Variants in ABAT observed in about 807,000 individuals in gnomAD.
ABAT encodes the protein 4-aminobutyrate aminotransferase, mitochondrial.
Under a neutral mutation model 64.6 loss-of-function variants are expected in ABAT, and 45 were observed. The observed-to-expected ratio is 0.70, with a 90% confidence interval of 0.55 to 0.89. The LOEUF (loss-of-function observed/expected upper bound fraction) is 0.89. Among genes scored for constraint, ABAT ranks in the 40% least tolerant of loss-of-function variants. The pLI is 0.00. For missense variants in ABAT, 633 were observed against 658.4 expected, an observed-to-expected ratio of 0.96 and a Z score of 0.42; for synonymous variants, 297 against 250.5, an observed-to-expected ratio of 1.19 and a Z score of -1.75.
At chr16:8,728,481 A>G (rs2058622554) in intron 1 of ABAT, among the ~76,000 whole-genome samples, 1 of 152,214 alleles carries the variant, frequency 6.6e-6, no homozygotes, top group African/African-American at 2.4e-5. Flanking sequence ...AGGGAAAGAC[A>G]TGAACTGCAC....
chr16:8,732,612 T>C (rs1254053934), intron 1 of ABAT, among the ~76,000 whole-genome samples: 2 of 151,584 alleles, frequency 1.3e-5, no homozygotes, highest in Non-Finnish European at 2.9e-5. Flanking sequence ...AAGTCTCCCA[T>C]GTCTACTTCT....
chr16:8,723,828 T>TATATATATATATATATATA (rs1491219171), intron 1 of ABAT, among the ~76,000 whole-genome samples: 14 of 19,314 alleles, frequency 7.2e-4, no homozygotes, highest in African/African-American at 1.5e-3. Flanking sequence ...TATATATATA[T>TATATATATATATATATATA]TTTTTTTTTT....
At chr16:8,766,055 G>A (rs949805898) in intron 8 of ABAT, 153 bp from the exon 9 acceptor site, 13 of 709,226 alleles carry the variant, frequency 1.8e-5, no homozygotes, top group South Asian at 9.3e-5. Flanking sequence ...GTAGCCTCAC[G>A]TTTCAGTACA....
At chr16:8,732,015 G>A (rs971482852) in intron 1 of ABAT, among the ~76,000 whole-genome samples, 5 of 151,010 alleles carry the variant, frequency 3.3e-5, no homozygotes, top group African/African-American at 9.8e-5. Flanking sequence ...AACCACGCCC[G>A]GGTAATTTTT....
intron 1 of ABAT, among the ~76,000 whole-genome samples, chr16:8,695,826 C>T (rs770701803): frequency 2.0e-5 from 3 of 152,226 alleles, no homozygotes; most frequent in Non-Finnish European, 4.4e-5. Flanking sequence ...GACTCCAGTA[C>T]ACCAGCTCAA....
chr16:8,719,592 C>A (rs1443489715), intron 1 of ABAT, among the ~76,000 whole-genome samples: 2 of 152,144 alleles, frequency 1.3e-5, no homozygotes, highest in Non-Finnish European at 2.9e-5. Flanking sequence ...GCTTCTTTCT[C>A]ATGAAATCTG....
At chr16:8,677,859 C>T (rs1223717223) in intron 1 of ABAT, among the ~76,000 whole-genome samples, 1 of 152,034 alleles carries the variant, frequency 6.6e-6, no homozygotes, top group South Asian at 2.1e-4. Flanking sequence ...TTGAGACCAG[C>T]GTGGGCAACA....
intron 4 of ABAT, among the ~76,000 whole-genome samples, chr16:8,749,331 A>C (rs1596453445): frequency 2.5e-5 from 3 of 119,054 alleles, no homozygotes; most frequent in African/African-American, 9.5e-5. Context: ...CTCGTGATCC[A>C]CCTGCCTCGG....
At chr16:8,745,895 A>G (rs1462351983) in intron 2 of ABAT, 106 bp from the exon 3 acceptor site, 2 of 1,082,522 alleles carry the variant, frequency 1.8e-6, no homozygotes, top group South Asian at 1.3e-5. Flanking sequence ...GGATGAGGCT[A>G]AGGTCCTGGC....
At chr16:8,694,192 GAT>G (rs2057648843) in intron 1 of ABAT, among the ~76,000 whole-genome samples, 1 of 124,032 alleles carries the variant, frequency 8.1e-6, no homozygotes, top group Non-Finnish European at 1.7e-5. Context: ...ACAATGCCCA[GAT>G]TTTTTTTTTT....
chr16:8,688,366 C>T (rs897204581), intron 1 of ABAT, among the ~76,000 whole-genome samples: 1 of 152,178 alleles, frequency 6.6e-6, no homozygotes, highest in Non-Finnish European at 1.5e-5. Flanking sequence ...CTGCCTGGCT[C>T]CAAAACCTAA....
intron 1 of ABAT, chr16:8,683,185 A>G (rs1292056330): frequency 6.6e-6 from 1 of 152,266 alleles, no homozygotes; most frequent in Non-Finnish European, 1.5e-5. Flanking sequence ...GATGACCATG[A>G]AAGCAGAGTG....
intron 1 of ABAT, among the ~76,000 whole-genome samples, chr16:8,697,758 C>T (rs1254560869): frequency 6.6e-6 from 1 of 152,050 alleles, no homozygotes; most frequent in Non-Finnish European, 1.5e-5. Flanking sequence ...GCCTCAGCCT[C>T]CTGAGTAGCT....
At chr16:8,684,279 A>G (rs1042150757) in intron 1 of ABAT, among the ~76,000 whole-genome samples, 1 of 152,148 alleles carries the variant, frequency 6.6e-6, no homozygotes, top group African/African-American at 2.4e-5. Flanking sequence ...CGCAGGGGAA[A>G]AAGGAAGGAT....
chr16:8,755,157 T>A (rs1317780703), intron 5 of ABAT, among the ~76,000 whole-genome samples: 2 of 152,110 alleles, frequency 1.3e-5, no homozygotes, highest in Non-Finnish European at 2.9e-5. Context: ...TTTAACTCTC[T>A]GAGGCATGGT....
In ABAT at chr16:8,759,958, A is replaced by G. The variant is rs554836893; in HGVS notation, c.366+2152A>G. ...TGGGTGATTCCTCCTGGTGTGTGTAATCGCAGACTGTGTATCCTCATGGCT... is the reference window on the plus strand; with the variant it reads ...TGGGTGATTCCTCCTGGTGTGTGTAGTCGCAGACTGTGTATCCTCATGGCT... On this transcript the variant is annotated intron_variant, in intron 6 of 15. Coordinates refer to ENST00000268251, the MANE Select transcript of ABAT (RefSeq NM_020686.6). Among the ~76,000 whole-genome samples the G allele has an allele frequency of 4.1e-4, 62 of 152,248 alleles. No individual in the cohort carries two copies. In the South Asian group the frequency reaches 0.012, roughly 31 times the overall value.
Position 8,774,937 on chromosome 16 carries a change from C to T in ABAT, c.1002C>T (p.Cys334=), listed in dbSNP as rs780682249. 6.2e-7 allele frequency: 1 copy of T among 1,614,190 alleles called. No individual in the cohort carries two copies. The highest frequency in any genetic ancestry group is 8.5e-7 in the Non-Finnish European group (1 of 1,180,032). ...LVDEVQTGGG[C]TGKFWAHEHW... is the part of the protein sequence containing the mutation. ...ACGAGGTCCAGACCGGAGGAGGCTGCACGGGCAAGTTCTGGGCCCATGAGC... is the reference window on the plus strand; with the variant it reads ...ACGAGGTCCAGACCGGAGGAGGCTGTACGGGCAAGTTCTGGGCCCATGAGC... Residue 334 remains cysteine, a synonymous_variant, in exon 13 of 16, where the codon TGC becomes TGT. Transcript: ENST00000268251.
chr16:8,732,573 G>A (rs902594033), intron 1 of ABAT, among the ~76,000 whole-genome samples: 1 of 151,704 alleles, frequency 6.6e-6, no homozygotes, highest in African/African-American at 2.4e-5. Flanking sequence ...CAAGGCAGAA[G>A]AAGTTTTCTT....
At position 8,768,910 on chromosome 16, in the gene ABAT, G is replaced by A; in HGVS notation, c.753G>A (p.Leu251=). 1 of 1,614,208 alleles carries A rather than the reference G, an allele frequency of 6.2e-7. No individual in the cohort carries two copies. The highest frequency in any genetic ancestry group is 8.5e-7 in the Non-Finnish European group (1 of 1,180,050). Residue 251 remains leucine, a synonymous_variant, in exon 11 of 16, where the codon CTG becomes CTA. Coordinates refer to ENST00000268251, the MANE Select transcript of ABAT (RefSeq NM_020686.6). Reference sequence around the variant, plus strand: ...GGCCCATCGCACCGTTCCCACGGCTGAAATACCCTCTGGAAGAGTTTGTGA... The same window carrying A: ...GGCCCATCGCACCGTTCCCACGGCTAAAATACCCTCTGGAAGAGTTTGTGA... ...FDWPIAPFPR[L]KYPLEEFVKE...
Sources: allele counts gnomAD v4.1 joint callset (sites outside exome capture counted in the v4.1 genomes callset), GRCh38; gene constraint gnomAD v4.1.1; transcripts MANE v1.5; gene names NCBI Gene and HGNC (gene_info 2026-07-23, HGNC 2026-07-21).